Variants in SLC6A11 observed in about 807,000 individuals in gnomAD.
The protein encoded by SLC6A11 is solute carrier family 6 member 11, also known as sodium- and chloride-dependent GABA transporter 3.
A neutral mutation model predicts 74.8 loss-of-function variants in SLC6A11; 25 were observed. That is an observed-to-expected ratio of 0.33 (90% CI 0.24 to 0.47). The LOEUF (loss-of-function observed/expected upper bound fraction) is 0.47. SLC6A11 is among the 20% of genes least tolerant of loss of function. The pLI is 1.00. For missense variants in SLC6A11, 574 were observed against 837.0 expected (o/e 0.69, Z 3.88); for synonymous variants, 330 against 330.2 (o/e 1.00, Z 0.01).
chr3:10,863,880 T>G (rs1329398915), intron 5 of SLC6A11, among the ~76,000 whole-genome samples: 1 of 152,060 alleles, frequency 6.6e-6, no homozygotes, highest in African/African-American at 2.4e-5. Context: ...CGTTCGGGGC[T>G]TCGGAGTTGA....
intron 8 of SLC6A11, among the ~76,000 whole-genome samples, chr3:10,924,112 G>A (rs1249983987): frequency 1.3e-5 from 2 of 152,074 alleles, no homozygotes; most frequent in African/African-American, 4.8e-5. Context: ...GTGGAGTTCT[G>A]AATTAAATGT....
chr3:10,937,802 C>A (rs1695776011), intron 13 of SLC6A11, among the ~76,000 whole-genome samples: 2 of 152,324 alleles, frequency 1.3e-5, no homozygotes, highest in African/African-American at 4.8e-5. Flanking sequence ...ATGATGGCAC[C>A]CCTTCCAAGG....
intron 5 of SLC6A11, among the ~76,000 whole-genome samples, chr3:10,867,667 T>C (rs938215194): frequency 5.3e-5 from 8 of 152,208 alleles, no homozygotes; most frequent in African/African-American, 1.9e-4. Context: ...AAGAGTTCTT[T>C]CCACTCGTGG....
intron 5 of SLC6A11, among the ~76,000 whole-genome samples, chr3:10,862,254 A>C (rs1163259471): frequency 6.6e-6 from 1 of 152,214 alleles, no homozygotes; most frequent in Middle Eastern, 3.2e-3. Flanking sequence ...TTTTCCAGGC[A>C]GTAAATAATA....
At chr3:10,851,453 C>T (rs549940215) in intron 5 of SLC6A11, among the ~76,000 whole-genome samples, 2 of 150,668 alleles carry the variant, frequency 1.3e-5, no homozygotes, top group Non-Finnish European at 2.9e-5. Flanking sequence ...CACACAGAAA[C>T]AGCTGCAAAG....
intron 6 of SLC6A11, among the ~76,000 whole-genome samples, chr3:10,888,730 A>G (rs183698874): frequency 4.0e-4 from 61 of 152,342 alleles, no homozygotes; most frequent in Non-Finnish European, 6.6e-4. Context: ...TTGGAGAGTC[A>G]TGAGCTGAGC....
intron 6 of SLC6A11, among the ~76,000 whole-genome samples, chr3:10,889,395 A>C (rs1288548821): frequency 6.6e-6 from 1 of 152,104 alleles, no homozygotes; most frequent in Non-Finnish European, 1.5e-5. Flanking sequence ...TCACGCACCC[A>C]CCACTGCAGT....
chr3:10,938,474 TA>T lies in SLC6A11; in HGVS notation c.*73del. On this transcript the variant is annotated 3_prime_UTR_variant, in exon 14 of 14. Transcript: ENST00000254488. ...TATGTAAATGAATTCCTGAACCCCATACTTCACCTAATGGTAGGGGCTTGCT... is the reference window on the plus strand; with the variant it reads ...TATGTAAATGAATTCCTGAACCCCATCTTCACCTAATGGTAGGGGCTTGCT... 1 of 1,448,010 alleles carries T rather than the reference TA, an allele frequency of 6.9e-7. No individual in the cohort carries two copies. Among genetic ancestry groups the T allele is most frequent in the Non-Finnish European group, 9.3e-7 (1 of 1,070,064 alleles). The allele number at this position is 1,448,010 out of a possible 1,614,324, so 89.7% of individuals were successfully genotyped here.
chr3:10,911,932 C>G (rs931359994), intron 6 of SLC6A11, among the ~76,000 whole-genome samples, 158 bp from the exon 7 acceptor site: 1 of 152,146 alleles, frequency 6.6e-6, no homozygotes, highest in African/African-American at 2.4e-5. Flanking sequence ...GAATAGAACT[C>G]TTTTAAAGGG....
At chr3:10,928,357 G>A (rs1471739194) in intron 9 of SLC6A11, among the ~76,000 whole-genome samples, 1 of 152,122 alleles carries the variant, frequency 6.6e-6, no homozygotes, top group Non-Finnish European at 1.5e-5. Flanking sequence ...GGTGAGGGGT[G>A]TGCTCAGGGC....
At chr3:10,936,941 A>G (rs1204428408) in intron 13 of SLC6A11, among the ~76,000 whole-genome samples, 1 of 152,182 alleles carries the variant, frequency 6.6e-6, no homozygotes, top group Non-Finnish European at 1.5e-5. Context: ...GGTTTATTAA[A>G]GAGGGACTTC....
intron 5 of SLC6A11, among the ~76,000 whole-genome samples, chr3:10,870,757 C>T (rs1694819377): frequency 1.3e-5 from 2 of 152,176 alleles, no homozygotes; most frequent in Non-Finnish European, 2.9e-5. Flanking sequence ...CACTTGTGTG[C>T]CTTACATAAT....
At chr3:10,827,846 C>T in intron 4 of SLC6A11, among the ~76,000 whole-genome samples, 1 of 152,186 alleles carries the variant, frequency 6.6e-6, no homozygotes. Context: ...CCTGCCCACT[C>T]CCCATCTTGA....
chr3:10,880,995 A>T (rs1472046589), intron 6 of SLC6A11, among the ~76,000 whole-genome samples: 2 of 152,174 alleles, frequency 1.3e-5, no homozygotes, highest in Admixed American at 1.3e-4. Flanking sequence ...GTGTGGTTGG[A>T]TGAGACCAGA....
At chr3:10,929,402 A>G in intron 10 of SLC6A11, 63 bp downstream of exon 10, 6 of 1,578,146 alleles carry the variant, frequency 3.8e-6, no homozygotes, top group Non-Finnish European at 5.2e-6. Context: ...TCCCAGCTCT[A>G]AAAGTGACCA....
intron 5 of SLC6A11, among the ~76,000 whole-genome samples, chr3:10,852,924 G>C (rs1023776478): frequency 3.9e-5 from 6 of 152,198 alleles, no homozygotes; most frequent in African/African-American, 7.2e-5. Context: ...ATAAGATGAG[G>C]CACAGATGGT....
At chr3:10,914,839 A>G (rs1387890357) in intron 7 of SLC6A11, among the ~76,000 whole-genome samples, 1 of 152,156 alleles carries the variant, frequency 6.6e-6, no homozygotes, top group Non-Finnish European at 1.5e-5. Context: ...GTCTGTGTAC[A>G]GTATCACCCC....
At chr3:10,823,429 G>T (rs749495749) in intron 4 of SLC6A11, 37 bp downstream of exon 4, 7 of 1,400,284 alleles carry the variant, frequency 5.0e-6, no homozygotes, top group Non-Finnish European at 4.1e-6. Context: ...TGGCCTGTGG[G>T]GGCTCTGTCC....
intron 3 of SLC6A11, 77 bp downstream of exon 3, chr3:10,819,929 A>G (rs1314778009): frequency 1.3e-6 from 2 of 1,499,316 alleles, no homozygotes; most frequent in Admixed American, 3.9e-5. Context: ...CCTTCAGGCC[A>G]GTCCTGGTCC....
Sources: gnomAD v4.1 joint callset for allele counts (sites outside exome capture counted in the v4.1 genomes callset) on GRCh38, gnomAD v4.1.1 for gene constraint, MANE v1.5 for transcripts, NCBI Gene and HGNC (gene_info 2026-07-23, HGNC 2026-07-21) for gene names.